COL4A1: variants seen among roughly 807,000 people sequenced by gnomAD.
The protein encoded by COL4A1 is collagen type IV alpha 1 chain.
In COL4A1, 40 loss-of-function variants were observed where a neutral mutation model predicts 216.6. The observed-to-expected ratio is 0.18, with a 90% CI of 0.14 to 0.24. COL4A1 has a LOEUF of 0.24. COL4A1 is among the 10% of genes least tolerant of loss of function. The pLI is 1.00. For synonymous variants in COL4A1, 839 were observed against 810.7 expected (o/e 1.03, Z -0.59); for missense variants, 1,628 against 2,196.8 (o/e 0.74, Z 5.18).
At chr13:110,244,076 A>G (rs1163299932) in intron 1 of COL4A1, among the ~76,000 whole-genome samples, 2 of 152,234 alleles carry the variant, frequency 1.3e-5, no homozygotes, top group African/African-American at 4.8e-5. Flanking sequence ...AGTCTGATAT[A>G]AAATGTTTAC....
intron 15 of COL4A1, 126 bp downstream of exon 15, chr13:110,206,539 G>A (rs187786308): frequency 1.9e-4 from 205 of 1,088,436 alleles, no homozygotes; most frequent in Non-Finnish European, 2.4e-4. Flanking sequence ...AAAGCCCTTC[G>A]GGGCATGAAA....
intron 1 of COL4A1, among the ~76,000 whole-genome samples, chr13:110,261,198 G>A: frequency 6.6e-6 from 1 of 152,346 alleles, no homozygotes; most frequent in South Asian, 2.1e-4. Flanking sequence ...ACAAGAGGCA[G>A]CCTGCTCCCC....
intron 2 of COL4A1, among the ~76,000 whole-genome samples, chr13:110,240,430 A>G (rs1490017474): frequency 6.6e-6 from 1 of 152,212 alleles, no homozygotes; most frequent in Non-Finnish European, 1.5e-5. Flanking sequence ...TGTCAAGGCT[A>G]AAGCTGGCCC....
chr13:110,256,958 T>TA lies in COL4A1; in HGVS notation c.85-14225dup, dbSNP rs535427734. Among the ~76,000 whole-genome samples, 127 of 152,242 alleles carry TA rather than the reference T, an allele frequency of 8.3e-4. 1 individual carries two copies. Among genetic ancestry groups the TA allele is most frequent in the Admixed American group, 8.3e-3 (127 of 15,290 alleles). ...TTTTGTCAGACACCAGACATGTCTT[T>TA]AAAAAAATCTTCATGTTTAGACTAA... On this transcript the variant is annotated intron_variant, in intron 1 of 51. Coordinates refer to ENST00000375820, the MANE Select transcript of COL4A1 (RefSeq NM_001845.6).
At position 110,205,446 on chromosome 13, in the gene COL4A1, T is replaced by G. The variant is rs944305240; in HGVS notation, c.904-40A>C. 7 of 1,611,318 alleles carry G rather than the reference T, an allele frequency of 4.3e-6. No individual in the cohort carries two copies. The African/African-American group carries it at 8.3e-5, about 19-fold the overall frequency. Reference sequence around the variant, plus strand: ...AGAAGCAGTAACCGTCAGAGGCCAGTGGTAGGAACAGTGAGCCTGCTTGTA... The same window carrying G: ...AGAAGCAGTAACCGTCAGAGGCCAGGGGTAGGAACAGTGAGCCTGCTTGTA... On this transcript the variant is annotated intron_variant, in intron 16 of 51. Transcript: ENST00000375820.
At position 110,174,731 on chromosome 13, in the gene COL4A1, C is replaced by A; in HGVS notation, c.3217G>T (p.Gly1073Cys). The change falls in exon 38 of 52, where the codon GGT (glycine) becomes TGT (cysteine). Residue 1073 changes from glycine (G) to cysteine (C), a missense_variant. Coordinates refer to ENST00000375820, the MANE Select transcript of COL4A1 (RefSeq NM_001845.6). Reference protein sequence around the residue: ...RGEKGDQGIAGFPGSPGEKGE... With the variant: ...RGEKGDQGIACFPGSPGEKGE... ...TTCTCTCCAGGGCTTCCTGGGAAAC[C>A]CGCTATCCCTTGATCTCCCTGCAAG... is the stretch of plus-strand genomic sequence containing the variant. 1 of 1,613,662 alleles carries A rather than the reference C, an allele frequency of 6.2e-7. No homozygotes were observed. The highest frequency in any genetic ancestry group is 8.5e-7 in the Non-Finnish European group (1 of 1,179,632).
intron 1 of COL4A1, among the ~76,000 whole-genome samples, chr13:110,269,941 T>C (rs1883185828): frequency 1.3e-5 from 2 of 152,166 alleles, no homozygotes. Flanking sequence ...CAGAAACACA[T>C]ACCTGCCGAA....
Position 110,155,346 on chromosome 13 carries a change from G to A in COL4A1, c.4692C>T (p.Thr1564=), listed in dbSNP as rs1376426354. Residue 1564 remains threonine (T), a synonymous_variant, in exon 50 of 52, where the codon ACC becomes ACT. Coordinates refer to ENST00000375820, the MANE Select transcript of COL4A1 (RefSeq NM_001845.6). ...CGCTGGGGCACGGTGGGATCTGAAT[G>A]GTCTGGCTGTGCACGGCCATCACCA... ...PAMVMAVHSQ[T]IQIPPCPSGW... 3 of 1,614,208 alleles carry A rather than the reference G, an allele frequency of 1.9e-6. No homozygotes were observed. The highest frequency in any genetic ancestry group is 8.5e-7 in the Non-Finnish European group (1 of 1,180,024).
At chr13:110,295,787 A>AT (rs1884253387) in intron 1 of COL4A1, among the ~76,000 whole-genome samples, 1 of 152,196 alleles carries the variant, frequency 6.6e-6, no homozygotes, top group Admixed American at 6.5e-5. Context: ...ACATGCAAAT[A>AT]TTTACATGGC....
At chr13:110,168,802 ACT>A (rs1877464031) in intron 43 of COL4A1, among the ~76,000 whole-genome samples, 1 of 152,112 alleles carries the variant, frequency 6.6e-6, no homozygotes, top group Admixed American at 6.6e-5. Flanking sequence ...CCCCTGATAT[ACT>A]CTCTCTTTCT....
rs138560157 is a variant in COL4A1 at position 110,251,601 on chromosome 13, C to T, written c.85-8867G>A. Among the ~76,000 whole-genome samples the T allele has an allele frequency of 1.1e-3, 173 of 152,336 alleles. 2 individuals are homozygous for T. The highest frequency in any genetic ancestry group is 4.1e-3 in the African/African-American group (172 of 41,570). On this transcript the variant is annotated intron_variant, in intron 1 of 51. Coordinates refer to ENST00000375820, the MANE Select transcript of COL4A1 (RefSeq NM_001845.6). ...TGCAAGGGAGGTGAGCAGAGACTCA[C>T]GGGCATGCCAGAGGGGGACTCGGGG... is the stretch of plus-strand genomic sequence containing the variant.
intron 1 of COL4A1, among the ~76,000 whole-genome samples, chr13:110,294,561 A>T (rs1594123819): frequency 1.3e-5 from 2 of 152,352 alleles, no homozygotes; most frequent in South Asian, 4.1e-4. Context: ...TACTGGAGAG[A>T]TATTTCAAAA....
intron 2 of COL4A1, among the ~76,000 whole-genome samples, chr13:110,215,422 G>C (rs1055748110): frequency 6.6e-6 from 1 of 152,068 alleles, no homozygotes; most frequent in African/African-American, 2.4e-5. Flanking sequence ...TTAGTTGGGT[G>C]TAGTGGTGCA....
intron 48 of COL4A1, among the ~76,000 whole-genome samples, chr13:110,161,801 AT>A (rs1877098864): frequency 6.6e-6 from 1 of 152,238 alleles, no homozygotes; most frequent in South Asian, 2.1e-4. Context: ...CTTTCTGCTG[AT>A]CTAAACTAGA....
rs115050243 is a variant in COL4A1 at position 110,220,805 on chromosome 13, G to T, written c.145-6790C>A. ...GAGTCTCCTGGCCGAAAGAACAGTG[G>T]CTGGGGTCTGAGGGGTGGGAGCTGG... is the stretch of plus-strand genomic sequence containing the variant. On this transcript the variant is annotated intron_variant, in intron 2 of 51. Transcript: ENST00000375820. Among the ~76,000 whole-genome samples, 509 of 152,318 alleles carry T rather than the reference G, an allele frequency of 3.3e-3. 2 individuals are homozygous for T. The highest frequency in any genetic ancestry group is 0.017 in the Middle Eastern group (5 of 294).
intron 20 of COL4A1, among the ~76,000 whole-genome samples, chr13:110,199,553 TAATG>T: frequency 6.6e-6 from 1 of 152,180 alleles, no homozygotes; most frequent in African/African-American, 2.4e-5. Flanking sequence ...GCAGCATGTC[TAATG>T]GAGAGGAAAA....
intron 49 of COL4A1, among the ~76,000 whole-genome samples, chr13:110,159,577 T>C (rs72652093): frequency 0.12 from 17,956 of 152,220 alleles, 1,179 homozygotes; most frequent in South Asian, 0.15. Flanking sequence ...AATTACCACA[T>C]GATCCCACAA....
At chr13:110,203,636 A>T (rs752672912) in intron 17 of COL4A1, 29 bp from the exon 18 acceptor site, 5 of 1,612,432 alleles carry the variant, frequency 3.1e-6, no homozygotes, top group Admixed American at 3.3e-5. Context: ...CTTTCCTTGC[A>T]TATTCTTACT....
At chr13:110,174,344 G>T in intron 39 of COL4A1, 102 bp downstream of exon 39, 1 of 1,273,908 alleles carries the variant, frequency 7.8e-7, no homozygotes, top group Non-Finnish European at 1.1e-6. Flanking sequence ...AGGACAGCTG[G>T]CCTCCCTGCT....
Sources: allele counts gnomAD v4.1 joint callset (sites outside exome capture counted in the v4.1 genomes callset), GRCh38; gene constraint gnomAD v4.1.1; transcripts MANE v1.5; gene names NCBI Gene and HGNC (gene_info 2026-07-23, HGNC 2026-07-21).